METTL24: variants seen among roughly 807,000 people sequenced by gnomAD.
The protein encoded by METTL24 is probable methyltransferase-like protein 24.
METTL24 carries 29 observed loss-of-function variants against 32.7 expected under a neutral mutation model. That is an observed-to-expected ratio of 0.89 (90% confidence interval 0.66 to 1.21). The LOEUF is 1.21. Among genes scored for constraint, METTL24 ranks in the 50% most tolerant of loss-of-function variants. METTL24 has a pLI of 0.00. For synonymous variants in METTL24, 163 were observed against 179.5 expected (o/e 0.91, Z 0.73); for missense variants, 439 against 468.1 (o/e 0.94, Z 0.57).
At chr6:110,342,627 G>C (rs1406374164) in intron 1 of METTL24, among the ~76,000 whole-genome samples, 1 of 152,102 alleles carries the variant, frequency 6.6e-6, no homozygotes, top group African/African-American at 2.4e-5. Flanking sequence ...TATACAGCTT[G>C]TGCAACTGAC....
intron 1 of METTL24, among the ~76,000 whole-genome samples, chr6:110,354,149 C>A (rs1184978959): frequency 6.6e-6 from 1 of 152,138 alleles, no homozygotes; most frequent in Non-Finnish European, 1.5e-5. Flanking sequence ...CTATCATTGG[C>A]TCTCATTTTG....
chr6:110,293,602 T>C lies in METTL24; in HGVS notation c.786+5320A>G, dbSNP rs558457047. Reference sequence around the variant, plus strand: ...TTTATACTCCTAAATTTTTTTCTTATTGTATTAGCTGTTATCTTAAGAACT... The same window carrying C: ...TTTATACTCCTAAATTTTTTTCTTACTGTATTAGCTGTTATCTTAAGAACT... On this transcript the variant is annotated intron_variant, in intron 4 of 4. Coordinates refer to ENST00000338882, the MANE Select transcript of METTL24 (RefSeq NM_001123364.3). 3.9e-5 allele frequency among the ~76,000 whole-genome samples: 6 copies of C among 152,120 alleles called. No homozygotes were observed. In the East Asian group the frequency reaches 1.2e-3, roughly 29 times the overall value.
At position 110,263,145 on chromosome 6, in the gene METTL24, A is replaced by C. The variant is rs960986146; in HGVS notation, c.787-16885T>G. 4.6e-5 allele frequency among the ~76,000 whole-genome samples: 7 copies of C among 152,182 alleles called. No individual in the cohort carries two copies. In the East Asian group the frequency reaches 7.7e-4, roughly 17 times the overall value. ...GGCAATCAGGCAGGAGAAGGAAATAAAGGGTATTCAATTAGGAAAAGGGGA... is the reference window on the plus strand; with the variant it reads ...GGCAATCAGGCAGGAGAAGGAAATACAGGGTATTCAATTAGGAAAAGGGGA... On this transcript the variant is annotated intron_variant, in intron 4 of 4. Coordinates refer to ENST00000338882, the MANE Select transcript of METTL24 (RefSeq NM_001123364.3).
At position 110,276,102 on chromosome 6, in the gene METTL24, G is replaced by C. The variant is rs1771042326; in HGVS notation, c.786+22820C>G. Among the ~76,000 whole-genome samples the C allele has an allele frequency of 3.9e-5, 6 of 152,056 alleles. No individual in the cohort carries two copies. In the South Asian group the frequency reaches 1.2e-3, roughly 32 times the overall value. On this transcript the variant is annotated intron_variant, in intron 4 of 4. Transcript: ENST00000338882. ...ACCTCAGCCAGCTTCCATTCTTTTA[G>C]CCAAGCATCATGAACAACTATGTGA...
At chr6:110,357,872 C>T in intron 1 of METTL24, 83 bp downstream of exon 1, 3 of 765,394 alleles carry the variant, frequency 3.9e-6, no homozygotes, top group Non-Finnish European at 3.4e-6. Flanking sequence ...AGGCGGCCTG[C>T]GGGACCTGAG....
At chr6:110,323,643 T>A (rs1029803960) in intron 1 of METTL24, among the ~76,000 whole-genome samples, 1 of 151,852 alleles carries the variant, frequency 6.6e-6, no homozygotes, top group Non-Finnish European at 1.5e-5. Context: ...AGTCAGGAAA[T>A]CCTTATTAGA....
At chr6:110,340,497 C>T (rs539917070) in intron 1 of METTL24, among the ~76,000 whole-genome samples, 3 of 152,258 alleles carry the variant, frequency 2.0e-5, no homozygotes, top group African/African-American at 7.2e-5. Context: ...TCACAGGAGC[C>T]CTGGGCTAGG....
chr6:110,270,314 G>C (rs1770932458), intron 4 of METTL24, among the ~76,000 whole-genome samples: 1 of 151,954 alleles, frequency 6.6e-6, no homozygotes, highest in African/African-American at 2.4e-5. Context: ...CTGATGCCTG[G>C]GAGGTTTCAG....
At chr6:110,318,109 C>G (rs1771858793) in intron 2 of METTL24, among the ~76,000 whole-genome samples, 1 of 152,190 alleles carries the variant, frequency 6.6e-6, no homozygotes, top group Non-Finnish European at 1.5e-5. Context: ...TGACAGTTAG[C>G]CAGAGGCCTC....
At chr6:110,262,248 G>A (rs1428176171) in intron 4 of METTL24, among the ~76,000 whole-genome samples, 4 of 152,042 alleles carry the variant, frequency 2.6e-5, no homozygotes, top group African/African-American at 9.7e-5. Context: ...AAAGAGAGAA[G>A]AATCAAATAG....
chr6:110,305,521 A>G (rs9487366), intron 3 of METTL24, among the ~76,000 whole-genome samples: 4,321 of 132,634 alleles, frequency 0.033, 316 homozygotes, highest in African/African-American at 0.12. Context: ...GGCAAAGGAT[A>G]TGAACAGACG....
At position 110,298,932 on chromosome 6, in the gene METTL24, C is replaced by A; in HGVS notation, c.776G>T (p.Gly259Val). The change falls in exon 4 of 5, where the codon GGA becomes GTA. Residue 259 changes from glycine (G) to valine (V), a missense_variant. Gly to Val is a moderately radical substitution (Grantham distance 109, BLOSUM62 -3). Transcript: ENST00000338882. ...RKLGSILNEF[G>V]HHKIDVLKAD... ...AATGAAAAACCTCACCTTGTGATGTCCAAATTCATTCAAAATGCTTCCCAG... is the reference window on the plus strand; with the variant it reads ...AATGAAAAACCTCACCTTGTGATGTACAAATTCATTCAAAATGCTTCCCAG... The A allele has an allele frequency of 6.2e-7, 1 of 1,613,998 alleles. No homozygotes were observed. Among genetic ancestry groups the A allele is most frequent in the Non-Finnish European group, 8.5e-7 (1 of 1,179,938 alleles).
At chr6:110,357,238 G>A (rs1772716641) in intron 1 of METTL24, 1 of 152,238 alleles carries the variant, frequency 6.6e-6, no homozygotes, top group African/African-American at 2.4e-5. Flanking sequence ...AACAATCAGA[G>A]GCTAAAAATG....
chr6:110,345,984 C>A (rs143516371), intron 1 of METTL24, among the ~76,000 whole-genome samples: 2 of 152,116 alleles, frequency 1.3e-5, no homozygotes, highest in Admixed American at 6.5e-5. Context: ...AACATCAAAC[C>A]GATTACAAAT....
chr6:110,345,932 C>A (rs1261238302), intron 1 of METTL24, among the ~76,000 whole-genome samples: 1 of 152,138 alleles, frequency 6.6e-6, no homozygotes, highest in African/African-American at 2.4e-5. Context: ...GAACCTGAAA[C>A]AAAAGTTATA....
At chr6:110,258,382 G>T (rs993174821) in intron 4 of METTL24, among the ~76,000 whole-genome samples, 1 of 152,326 alleles carries the variant, frequency 6.6e-6, no homozygotes, top group South Asian at 2.1e-4. Flanking sequence ...ATTTACATCT[G>T]ACAAGAGGCA....
intron 1 of METTL24, among the ~76,000 whole-genome samples, chr6:110,350,146 T>C (rs2114779476): frequency 6.6e-6 from 1 of 152,364 alleles, no homozygotes; most frequent in Admixed American, 6.5e-5. Context: ...TTTGTTTTGT[T>C]TCTTAGAAAG....
chr6:110,326,998 T>C (rs1430495819), intron 1 of METTL24, among the ~76,000 whole-genome samples: 1 of 152,218 alleles, frequency 6.6e-6, no homozygotes, highest in Non-Finnish European at 1.5e-5. Context: ...ATTCATTCAG[T>C]GGGCATTTGT....
chr6:110,317,992 C>T (rs914565528), intron 2 of METTL24, among the ~76,000 whole-genome samples: 2 of 152,168 alleles, frequency 1.3e-5, no homozygotes, highest in African/African-American at 4.8e-5. Flanking sequence ...CTAGTCACAT[C>T]TCTGCCTCAG....
Sources: gnomAD v4.1 joint callset for allele counts (sites outside exome capture counted in the v4.1 genomes callset) on GRCh38, gnomAD v4.1.1 for gene constraint, MANE v1.5 for transcripts, NCBI Gene and HGNC (gene_info 2026-07-23, HGNC 2026-07-21) for gene names.